Variants in WDR25 observed in about 807,000 individuals in gnomAD.
WDR25 encodes the protein WD repeat domain 25, also known as WD repeat-containing protein 25.
In WDR25, 35 loss-of-function variants were observed where a neutral mutation model predicts 47.7. That is an observed-to-expected ratio of 0.73 (90% CI 0.56 to 0.97). The LOEUF is 0.97. Ranked by LOEUF, WDR25 falls within the 50% of genes least tolerant of loss-of-function variation. WDR25 has a pLI of 0.00. For missense variants in WDR25, 634 were observed against 704.7 expected, an observed-to-expected ratio of 0.90 and a Z score of 1.14; for synonymous variants, 248 against 278.9, an observed-to-expected ratio of 0.89 and a Z score of 1.10.
chr14:100,377,353 G>A (rs377410769), intron 1 of WDR25, among the ~76,000 whole-genome samples: 7 of 152,150 alleles, frequency 4.6e-5, no homozygotes, highest in Non-Finnish European at 1.0e-4. Flanking sequence ...AGGCTGGAGT[G>A]CAGTGGCGTG....
chr14:100,487,256 A>G (rs1288439451), intron 4 of WDR25, among the ~76,000 whole-genome samples: 1 of 152,250 alleles, frequency 6.6e-6, no homozygotes, highest in African/African-American at 2.4e-5. Context: ...GCTTTAACAT[A>G]TTAAACCATT....
In WDR25 at chr14:100,444,346, A is replaced by G. The variant is rs113962188; in HGVS notation, c.823-23675A>G. 4.9e-3 allele frequency among the ~76,000 whole-genome samples: 749 copies of G among 152,336 alleles called. 10 individuals carry two copies. Among genetic ancestry groups the G allele is most frequent in the African/African-American group, 0.017 (704 of 41,570 alleles). ...CACTGAGGGGCATGCCTGCGAGTGC[A>G]TCCGTGCCACTTAGTTGTGGGTCAG... On this transcript the variant is annotated intron_variant, in intron 2 of 6. Coordinates refer to ENST00000402312, the MANE Select transcript of WDR25 (RefSeq NM_001161476.3).
At chr14:100,491,583 A>G (rs182136028) in intron 4 of WDR25, among the ~76,000 whole-genome samples, 1 of 152,200 alleles carries the variant, frequency 6.6e-6, no homozygotes. Context: ...TATACCGTCG[A>G]GGTTCGTGTA....
chr14:100,387,245 C>G (rs1179225729), intron 2 of WDR25, among the ~76,000 whole-genome samples: 2 of 152,064 alleles, frequency 1.3e-5, no homozygotes, highest in Non-Finnish European at 2.9e-5. Context: ...AGTTATAAAA[C>G]AAAGTGTAGA....
chr14:100,491,313 A>T (rs767726074), intron 4 of WDR25, among the ~76,000 whole-genome samples: 31 of 152,216 alleles, frequency 2.0e-4, no homozygotes, highest in Non-Finnish European at 4.0e-4. Context: ...GGGTGGTTTG[A>T]TGCCCAAACC....
intron 5 of WDR25, among the ~76,000 whole-genome samples, chr14:100,528,538 TG>T (rs1160639141): frequency 2.6e-5 from 4 of 151,618 alleles, no homozygotes; most frequent in Non-Finnish European, 5.9e-5. Flanking sequence ...CCCAGAGTGC[TG>T]GGATACAGGC....
At chr14:100,463,729 C>A (rs1899507119) in intron 2 of WDR25, among the ~76,000 whole-genome samples, 1 of 152,162 alleles carries the variant, frequency 6.6e-6, no homozygotes, top group African/African-American at 2.4e-5. Context: ...TCCAGGTCCT[C>A]CTTCCCTCAA....
chr14:100,419,186 C>T (rs1006329679), intron 2 of WDR25, among the ~76,000 whole-genome samples: 1 of 149,204 alleles, frequency 6.7e-6, no homozygotes, highest in Non-Finnish European at 1.5e-5. Flanking sequence ...CACGCCACTG[C>T]ACTCCAGCCT....
intron 4 of WDR25, among the ~76,000 whole-genome samples, chr14:100,513,222 A>T (rs1566943755): frequency 6.6e-6 from 1 of 152,194 alleles, no homozygotes; most frequent in Non-Finnish European, 1.5e-5. Context: ...TTAAACCCCA[A>T]AGGGATGGTA....
At chr14:100,382,685 T>C (rs2140139725) in intron 2 of WDR25, among the ~76,000 whole-genome samples, 1 of 152,310 alleles carries the variant, frequency 6.6e-6, no homozygotes, top group South Asian at 2.1e-4. Context: ...TCCTCGCAGC[T>C]AGCAAAGCAC....
chr14:100,427,421 C>T (rs749755327), intron 2 of WDR25, among the ~76,000 whole-genome samples: 7 of 152,248 alleles, frequency 4.6e-5, no homozygotes, highest in Non-Finnish European at 7.4e-5. Context: ...GCATTGTATC[C>T]CCAGCTTGAT....
At chr14:100,510,356 C>A (rs1303348721) in intron 4 of WDR25, among the ~76,000 whole-genome samples, 1 of 151,916 alleles carries the variant, frequency 6.6e-6, no homozygotes, top group Non-Finnish European at 1.5e-5. Flanking sequence ...CAGCCTGGAA[C>A]TTCTGGGCTC....
Position 100,527,902 on chromosome 14 carries a change from A to C in WDR25, c.1273-1166A>C, listed in dbSNP as rs2030263719. On this transcript the variant is annotated intron_variant, in intron 5 of 6. Transcript: ENST00000402312. Reference sequence around the variant, plus strand: ...GTGTGGCCTAGGGACAATAGTTAGAACAATGTAAAGCCAGCTTGAGGGGGT... The same window carrying C: ...GTGTGGCCTAGGGACAATAGTTAGACCAATGTAAAGCCAGCTTGAGGGGGT... Among the ~76,000 whole-genome samples, 4 of 152,284 alleles carry C rather than the reference A, an allele frequency of 2.6e-5. No homozygotes were observed. The South Asian group carries it at 8.3e-4, about 32-fold the overall frequency.
In WDR25 at chr14:100,529,164, T is replaced by TG; in HGVS notation, c.1371dup (p.Pro458AlafsTer11). On this transcript the variant is annotated frameshift_variant, in exon 6 of 7. Coordinates refer to ENST00000402312, the MANE Select transcript of WDR25 (RefSeq NM_001161476.3). LOFTEE classifies it high-confidence loss of function. The surrounding 1 kb of genome is among the most constrained non-coding windows in gnomAD (Gnocchi z 5.1). ...CTACCTGGCCCTTTTCTCCACTGTGTGGCCCTACCGGATGAGCAGACGGCG... is the reference window on the plus strand; with the variant it reads ...CTACCTGGCCCTTTTCTCCACTGTGTGGGCCCTACCGGATGAGCAGACGGCG... 6.2e-7 allele frequency: 1 copy of TG among 1,612,140 alleles called. No individual in the cohort carries two copies. Among genetic ancestry groups the TG allele is most frequent in the Non-Finnish European group, 8.5e-7 (1 of 1,178,500 alleles).
intron 4 of WDR25, chr14:100,487,557 A>T (rs947107165): frequency 2.0e-5 from 3 of 152,226 alleles, no homozygotes; most frequent in Non-Finnish European, 2.9e-5. Flanking sequence ...TGTGATTCTG[A>T]CATCTGTCAC....
At chr14:100,481,373 A>T in intron 3 of WDR25, 1 of 896,078 alleles carries the variant, frequency 1.1e-6, no homozygotes, top group South Asian at 1.4e-5. Flanking sequence ...CAAGTTTTTT[A>T]GTAGCTCTAG....
chr14:100,452,167 A>G (rs557724537), intron 2 of WDR25, among the ~76,000 whole-genome samples: 208 of 152,116 alleles, frequency 1.4e-3, no homozygotes, highest in Admixed American at 2.2e-3. Flanking sequence ...GTTCTGTTCC[A>G]TTCCATTCCT....
chr14:100,488,400 C>T lies in WDR25; in HGVS notation c.1101+4276C>T, dbSNP rs932899798. 6.6e-6 allele frequency among the ~76,000 whole-genome samples: 1 copy of T among 152,268 alleles called. No homozygotes were observed. Among genetic ancestry groups the T allele is most frequent in the East Asian group, 1.9e-4 (1 of 5,184 alleles). On this transcript the variant is annotated intron_variant, in intron 4 of 6. Transcript: ENST00000402312. This position sits in a 1 kb window ranked among gnomAD's most constrained non-coding sequence, Gnocchi z 4.2. Reference sequence around the variant, plus strand: ...GTCAATTTCTGCAGAAGCCCCTGAGCCTCTAGTGCCGTTGGCCTGAGCTGC... The same window carrying T: ...GTCAATTTCTGCAGAAGCCCCTGAGTCTCTAGTGCCGTTGGCCTGAGCTGC...
At chr14:100,454,574 G>A (rs1413145783) in intron 2 of WDR25, 5 of 592,384 alleles carry the variant, frequency 8.4e-6, no homozygotes, top group Non-Finnish European at 1.4e-5. Flanking sequence ...AAAGCAGGCA[G>A]AGACTGGACA....
Sources: gnomAD v4.1 joint callset for allele counts (sites outside exome capture counted in the v4.1 genomes callset) on GRCh38, gnomAD v4.1.1 for gene constraint, Gnocchi (gnomAD v3.1) non-coding constraint, MANE v1.5 for transcripts, NCBI Gene and HGNC (gene_info 2026-07-23, HGNC 2026-07-21) for gene names.